ACACB: variants seen among roughly 807,000 people sequenced by gnomAD.
ACACB encodes acetyl-CoA carboxylase 2.
A neutral mutation model predicts 278.8 loss-of-function variants in ACACB; 209 were observed. The observed-to-expected ratio is 0.75, with a 90% CI of 0.67 to 0.84. ACACB has a LOEUF of 0.84. ACACB is among the 40% of genes least tolerant of loss of function. ACACB has a pLI of 0.00. For synonymous variants in ACACB, 1,174 were observed against 1,285.6 expected, an observed-to-expected ratio of 0.91 and a Z score of 1.86; for missense variants, 2,850 against 3,269.0, an observed-to-expected ratio of 0.87 and a Z score of 3.13.
At chr12:109,140,714 C>A (rs909989668) in intron 2 of ACACB, among the ~76,000 whole-genome samples, 5 of 151,880 alleles carry the variant, frequency 3.3e-5, no homozygotes, top group Non-Finnish European at 7.4e-5. Context: ...GCACAGGGCT[C>A]GATGCCATGA....
At chr12:109,159,801 C>T (rs1287272737) in intron 2 of ACACB, among the ~76,000 whole-genome samples, 1 of 151,900 alleles carries the variant, frequency 6.6e-6, no homozygotes, top group Non-Finnish European at 1.5e-5. Context: ...CCCAGTTAAG[C>T]ACTCAGGGCT....
rs1213215559 is a variant in ACACB, at chr12:109,222,586, G to A, written c.3644G>A (p.Ser1215Asn). 6.2e-7 allele frequency: 1 copy of A among 1,614,176 alleles called. No individual in the cohort carries two copies. The highest frequency in any genetic ancestry group is 2.2e-5 in the East Asian group (1 of 44,868). Residue 1215 changes from serine to asparagine, a missense_variant, in exon 25 of 53, where the codon AGC (serine) becomes AAC (asparagine). Transcript: ENST00000338432. ...ILNELTQLSKSEHCKVALRAR... is the reference protein window; with the variant it reads ...ILNELTQLSKNEHCKVALRAR... Reference sequence around the variant, plus strand: ...AACGAGCTCACTCAGCTGAGCAAAAGCGAGCACTGCAAAGTGGCCCTCAGA... The same window carrying A: ...AACGAGCTCACTCAGCTGAGCAAAAACGAGCACTGCAAAGTGGCCCTCAGA...
chr12:109,197,904 T>C (rs1593531328), intron 17 of ACACB, among the ~76,000 whole-genome samples: 2 of 152,268 alleles, frequency 1.3e-5, no homozygotes, highest in East Asian at 3.9e-4. Context: ...TCTCCTTTTT[T>C]TTCTTTTTGA....
chr12:109,208,876 A>G (rs565894198), intron 20 of ACACB, among the ~76,000 whole-genome samples: 2 of 152,320 alleles, frequency 1.3e-5, no homozygotes, highest in South Asian at 4.1e-4. Flanking sequence ...CAAGTATCCT[A>G]TAAACATCAG....
chr12:109,193,081 C>T (rs749724537), intron 15 of ACACB, among the ~76,000 whole-genome samples: 3 of 152,152 alleles, frequency 2.0e-5, no homozygotes, highest in Non-Finnish European at 4.4e-5. Flanking sequence ...TCCAAGAGAC[C>T]GTTATGGATT....
rs1323985478 is a variant in ACACB, at chr12:109,209,989, G to A, written c.3249+636G>A. Among the ~76,000 whole-genome samples, 3 of 98,558 alleles carry A rather than the reference G, an allele frequency of 3.0e-5. 1 individual carries two copies. The highest frequency in any genetic ancestry group is 1.1e-4 in the African/African-American group (2 of 17,484). The allele number at this position is 98,558 out of a possible 152,430, so 64.7% of individuals were successfully genotyped here. A position where few individuals can be genotyped will look rare whatever the true frequency, so the allele number is the denominator to read the frequency against. On this transcript the variant is annotated intron_variant, in intron 21 of 52. Coordinates refer to ENST00000338432, the MANE Select transcript of ACACB (RefSeq NM_001093.4). ...TATACACACATACACACACGTGTGT[G>A]TATATATGTGTATATGTGTATATAT...
chr12:109,220,076 A>G (rs1364086341), intron 24 of ACACB, among the ~76,000 whole-genome samples: 4 of 152,178 alleles, frequency 2.6e-5, no homozygotes, highest in Non-Finnish European at 5.9e-5. Flanking sequence ...TTCTGTGCAC[A>G]TATTGACTCT....
chr12:109,256,665 A>G (rs2047232826), intron 45 of ACACB, among the ~76,000 whole-genome samples: 1 of 152,092 alleles, frequency 6.6e-6, no homozygotes, highest in Non-Finnish European at 1.5e-5. Context: ...TGTAGCTTTC[A>G]TCTCTTTGGA....
chr12:109,246,279 C>G lies in ACACB; in HGVS notation c.5402C>G (p.Ser1801Cys). 1 of 1,613,066 alleles carries G rather than the reference C, an allele frequency of 6.2e-7. No homozygotes were observed. The highest frequency in any genetic ancestry group is 1.1e-5 in the South Asian group (1 of 90,978). The change falls in exon 39 of 53, where the codon TCC becomes TGC. Residue 1801 changes from serine to cysteine, a missense_variant. This residue lies in a region of ACACB where 2,265 missense variants were observed against 2,561.3 expected (regional missense o/e 0.88). Coordinates refer to ENST00000338432, the MANE Select transcript of ACACB (RefSeq NM_001093.4). The part of the protein sequence containing the change: ...IGNDITFRIG[S>C]FGPGEDLLYL... The stretch of plus-strand genomic sequence containing the variant: ...AATGACATCACCTTTCGCATTGGAT[C>G]CTTTGGCCCTGGAGAGGACCTTCTG...
At position 109,232,718 on chromosome 12, in the gene ACACB, A is replaced by G. The variant is rs1473072052; in HGVS notation, c.4051A>G (p.Thr1351Ala). The G allele has an allele frequency of 6.2e-7, 1 of 1,614,194 alleles. No homozygotes were observed. The highest frequency in any genetic ancestry group is 2.2e-5 in the East Asian group (1 of 44,886). ...ITNPDLLRHS[T>A]ELFMDSGFSP... ...CAACCCTGACCTGCTGAGGCACAGC[A>G]CAGAGCTCTTCATGGACAGCGGCTT... Residue 1351 changes from threonine (T) to alanine (A), a missense_variant, in exon 29 of 53, where the codon ACA becomes GCA. Thr to Ala is a moderately conservative substitution (Grantham distance 58). Coordinates refer to ENST00000338432, the MANE Select transcript of ACACB (RefSeq NM_001093.4).
intron 11 of ACACB, among the ~76,000 whole-genome samples, chr12:109,184,178 G>A (rs1157298946): frequency 1.3e-5 from 2 of 151,742 alleles, no homozygotes; most frequent in African/African-American, 4.8e-5. Context: ...TCAGCCTCCC[G>A]AGTAGCTGGG....
At position 109,227,463 on chromosome 12, in the gene ACACB, C is replaced by G. The variant is rs962217558; in HGVS notation, c.3975C>G (p.Phe1325Leu). ...PDGTCVVEFQFMLPSSHPNRM... is the reference protein window; with the variant it reads ...PDGTCVVEFQLMLPSSHPNRM... ...GCACCTGCGTGGTAGAATTCCAGTTCATGCTGCCGTCCTCCCACCCAAACC... is the reference window on the plus strand; with the variant it reads ...GCACCTGCGTGGTAGAATTCCAGTTGATGCTGCCGTCCTCCCACCCAAACC... Residue 1325 changes from phenylalanine to leucine, a missense_variant, in exon 28 of 53, where the codon TTC becomes TTG. Transcript: ENST00000338432. The G allele has an allele frequency of 6.2e-7, 1 of 1,614,054 alleles. No homozygotes were observed. Among genetic ancestry groups the G allele is most frequent in the Non-Finnish European group, 8.5e-7 (1 of 1,179,978 alleles).
intron 1 of ACACB, among the ~76,000 whole-genome samples, chr12:109,128,752 C>CTT (rs202074411): frequency 1.4e-5 from 2 of 139,390 alleles, no homozygotes; most frequent in African/African-American, 2.6e-5. Context: ...TTGTTGCTTT[C>CTT]TTTTTTTTTT....
In ACACB at chr12:109,167,009, G is replaced by A. The variant is rs757575352; in HGVS notation, c.786+16G>A. On this transcript the variant is annotated intron_variant, in intron 3 of 52. Coordinates refer to ENST00000338432, the MANE Select transcript of ACACB (RefSeq NM_001093.4). ...CATCGAGAAGGTACAGATGGGTCTC[G>A]GCACTCTGGGTGGGGTCCGATTGGG... is the stretch of plus-strand genomic sequence containing the variant. 8.7e-6 allele frequency: 14 copies of A among 1,613,848 alleles called. No individual in the cohort carries two copies. Among genetic ancestry groups the A allele is most frequent in the Admixed American group, 6.7e-5 (4 of 59,986 alleles).
chr12:109,201,378 G>A (rs2045324881), intron 18 of ACACB, among the ~76,000 whole-genome samples, 189 bp from the exon 19 acceptor site: 1 of 152,122 alleles, frequency 6.6e-6, no homozygotes, highest in African/African-American at 2.4e-5. Flanking sequence ...GCACTTGCCT[G>A]GCACTTAGCA....
chr12:109,247,672 T>C lies in ACACB; in HGVS notation c.5638T>C (p.Cys1880Arg). Residue 1880 changes from cysteine (C) to arginine (R), a missense_variant, in exon 40 of 53, where the codon TGT becomes CGT. By Grantham distance (180) the Cys-to-Arg change is radical (BLOSUM62 -3). Transcript: ENST00000338432. ...AATCAGCTCCCTGAACTCCGTCCACTGTAAACACATCGAGGAAGGAGGAGA... is the reference window on the plus strand; with the variant it reads ...AATCAGCTCCCTGAACTCCGTCCACCGTAAACACATCGAGGAAGGAGGAGA... The part of the protein sequence containing the change: ...TRISSLNSVH[C>R]KHIEEGGESR... 1.9e-6 allele frequency: 3 copies of C among 1,613,918 alleles called. No individual in the cohort carries two copies. The highest frequency in any genetic ancestry group is 2.5e-6 in the Non-Finnish European group (3 of 1,179,906).
At chr12:109,197,996 G>A (rs545903971) in intron 17 of ACACB, among the ~76,000 whole-genome samples, 3 of 152,202 alleles carry the variant, frequency 2.0e-5, no homozygotes, top group South Asian at 2.1e-4. Flanking sequence ...CCTGGGCTCC[G>A]AGATGATCCC....
chr12:109,258,107 G>A (rs2047277493), intron 45 of ACACB, among the ~76,000 whole-genome samples, 161 bp from the exon 46 acceptor site: 1 of 152,188 alleles, frequency 6.6e-6, no homozygotes, highest in South Asian at 2.1e-4. Context: ...TACCTTTCGA[G>A]GCTCTTACCA....
chr12:109,139,563 A>G lies in ACACB; in HGVS notation c.158A>G (p.Asn53Ser). 6.2e-7 allele frequency: 1 copy of G among 1,613,916 alleles called. No individual in the cohort carries two copies. The highest frequency in any genetic ancestry group is 1.1e-5 in the South Asian group (1 of 91,044). Residue 53 changes from asparagine (N) to serine (S), a missense_variant, in exon 2 of 53, where the codon AAC becomes AGC. Around this residue, in one of 3 missense-constraint regions of ACACB, gnomAD observed 2,265 missense variants for 2,561.3 expected, o/e 0.88. Coordinates refer to ENST00000338432, the MANE Select transcript of ACACB (RefSeq NM_001093.4). ...CAGGAGCCCTTTCCAGCCTCTGATA[A>G]CTCAGGGGAGACACCGCAGAGAAAT... Reference protein sequence around the residue: ...PSQEPFPASDNSGETPQRNGE... With the variant: ...PSQEPFPASDSSGETPQRNGE...
Sources: allele counts gnomAD v4.1 joint callset (sites outside exome capture counted in the v4.1 genomes callset), GRCh38; gene constraint gnomAD v4.1.1; regional missense constraint gnomAD v4.1.1; transcripts MANE v1.5; gene names NCBI Gene and HGNC (gene_info 2026-07-23, HGNC 2026-07-21).